SNX29: variants seen among roughly 807,000 people sequenced by gnomAD.
The protein encoded by SNX29 is sorting nexin 29.
In SNX29, 78 loss-of-function variants were observed where a neutral mutation model predicts 102.1. The ratio of observed to expected loss-of-function variants is 0.76; its 90% CI spans 0.64 to 0.92. SNX29 has a LOEUF of 0.92. SNX29 is among the 40% of genes least tolerant of loss of function. The pLI is 0.00. For synonymous variants in SNX29, 580 were observed against 414.5 expected (o/e 1.40, Z -4.85); for missense variants, 1,280 against 1,061.7 (o/e 1.21, Z -2.86).
chr16:12,513,852 C>T (rs377040634), intron 19 of SNX29, among the ~76,000 whole-genome samples: 5 of 152,202 alleles, frequency 3.3e-5, no homozygotes, highest in Non-Finnish European at 5.9e-5. Flanking sequence ...CCACCATGCC[C>T]GACTATTTGT....
chr16:12,275,066 A>C (rs184680139), intron 14 of SNX29, among the ~76,000 whole-genome samples: 2 of 152,028 alleles, frequency 1.3e-5, no homozygotes, highest in African/African-American at 4.8e-5. Context: ...CTTTTCTCAA[A>C]TGGGATGTGA....
chr16:12,532,372 C>G (rs2076955505), intron 20 of SNX29, among the ~76,000 whole-genome samples: 1 of 152,186 alleles, frequency 6.6e-6, no homozygotes, highest in African/African-American at 2.4e-5. Context: ...CAGCAGCTCC[C>G]AGCAGCGTTC....
At chr16:12,110,899 C>A (rs2053476849) in intron 11 of SNX29, among the ~76,000 whole-genome samples, 1 of 151,964 alleles carries the variant, frequency 6.6e-6, no homozygotes, top group African/African-American at 2.4e-5. Context: ...TCATAGCCCA[C>A]TGTAGCCTCA....
chr16:11,993,359 T>C (rs2055928203), intron 1 of SNX29, among the ~76,000 whole-genome samples: 1 of 152,042 alleles, frequency 6.6e-6, no homozygotes, highest in Non-Finnish European at 1.5e-5. Flanking sequence ...TCTTTCACCC[T>C]TTCATCTCCC....
chr16:12,259,206 C>T (rs549567595), intron 14 of SNX29, among the ~76,000 whole-genome samples: 4 of 152,134 alleles, frequency 2.6e-5, no homozygotes, highest in Non-Finnish European at 4.4e-5. Flanking sequence ...TATATCGTTC[C>T]GATTTGTCAA....
chr16:12,554,596 A>C (rs2078206494), intron 20 of SNX29, among the ~76,000 whole-genome samples: 2 of 152,192 alleles, frequency 1.3e-5, no homozygotes, highest in Admixed American at 1.3e-4. Flanking sequence ...GGAGCTCCCA[A>C]GCCAGAGGAG....
chr16:12,019,689 G>A (rs1358327505), intron 3 of SNX29, among the ~76,000 whole-genome samples: 2 of 149,568 alleles, frequency 1.3e-5, no homozygotes, highest in African/African-American at 2.5e-5. Flanking sequence ...AAGCTGGAGT[G>A]CAGTGGCGTG....
At chr16:11,982,423 G>GTTTTTTTTT (rs60761477) in intron 1 of SNX29, among the ~76,000 whole-genome samples, 6 of 120,354 alleles carry the variant, frequency 5.0e-5, no homozygotes, top group African/African-American at 6.1e-5. Flanking sequence ...CTTTCCATCA[G>GTTTTTTTTT]TTTTTTTTTT....
chr16:12,363,943 T>C lies in SNX29; in HGVS notation c.1899+7664T>C, dbSNP rs113521489. 2.0e-3 allele frequency among the ~76,000 whole-genome samples: 298 copies of C among 152,274 alleles called. 2 individuals are homozygous for C. The highest frequency in any genetic ancestry group is 6.8e-3 in the African/African-American group (283 of 41,564). On this transcript the variant is annotated intron_variant, in intron 16 of 20. Transcript: ENST00000566228. Reference sequence around the variant, plus strand: ...GGATGCTCAAATGAGATTGGAACATTTTGGATTTCAGATTTTAGGATTAGG... The same window carrying C: ...GGATGCTCAAATGAGATTGGAACATCTTGGATTTCAGATTTTAGGATTAGG...
At chr16:12,223,386 G>C (rs1037264990) in intron 14 of SNX29, among the ~76,000 whole-genome samples, 1 of 152,142 alleles carries the variant, frequency 6.6e-6, no homozygotes, top group African/African-American at 2.4e-5. Context: ...ATTAGGCTTC[G>C]CACGGTGGCT....
intron 11 of SNX29, among the ~76,000 whole-genome samples, chr16:12,097,090 G>C (rs350232): frequency 0.68 from 103,051 of 152,132 alleles, 36,542 homozygotes; most frequent in East Asian, 0.92. Flanking sequence ...GCAGGATGTC[G>C]GGATGGGCTT....
At position 12,095,585 on chromosome 16, in the gene SNX29, T is replaced by C. The variant is rs62038873; in HGVS notation, c.1402+16670T>C. Among the ~76,000 whole-genome samples, 4 of 152,366 alleles carry C rather than the reference T, an allele frequency of 2.6e-5. 1 individual carries two copies. The highest frequency in any genetic ancestry group is 9.6e-5 in the African/African-American group (4 of 41,580). On this transcript the variant is annotated intron_variant, in intron 11 of 20. Transcript: ENST00000566228. ...CAGTCATGCATTGCCAGTCACTTTG[T>C]GGTCCTGTTCTAAAAGGGAATTTGC...
chr16:12,533,693 C>G (rs1249509713), intron 20 of SNX29, among the ~76,000 whole-genome samples: 2 of 152,174 alleles, frequency 1.3e-5, no homozygotes, highest in African/African-American at 2.4e-5. Flanking sequence ...CCTCTGTCGA[C>G]TGGATGCCTT....
intron 15 of SNX29, among the ~76,000 whole-genome samples, chr16:12,355,577 A>G (rs1054842741): frequency 6.6e-6 from 1 of 152,164 alleles, no homozygotes; most frequent in African/African-American, 2.4e-5. Flanking sequence ...GCAGGATTAC[A>G]TCTCACATTT....
chr16:12,096,031 C>T lies in SNX29; in HGVS notation c.1402+17116C>T, dbSNP rs1567202829. Among the ~76,000 whole-genome samples the T allele has an allele frequency of 6.6e-6, 1 of 152,232 alleles. No individual in the cohort carries two copies. Among genetic ancestry groups the T allele is most frequent in the African/African-American group, 2.4e-5 (1 of 41,462 alleles). On this transcript the variant is annotated intron_variant, in intron 11 of 20. Transcript: ENST00000566228. The surrounding 1 kb of genome is among the most constrained non-coding windows in gnomAD (Gnocchi z 4.2). ...CAGAGAGAGATGCGAGGCCCCGCAG[C>T]CAGCTGCTTGCTTGGCTAAGGGCTT...
intron 19 of SNX29, among the ~76,000 whole-genome samples, chr16:12,481,322 C>T: frequency 6.6e-6 from 1 of 151,892 alleles, no homozygotes; most frequent in East Asian, 1.9e-4. Context: ...CTCGCCTGTG[C>T]AGCTTTTAAC....
At chr16:12,564,111 G>C (rs774695444) in intron 20 of SNX29, among the ~76,000 whole-genome samples, 1 of 152,164 alleles carries the variant, frequency 6.6e-6, no homozygotes, top group Non-Finnish European at 1.5e-5. Flanking sequence ...CTCCTTGATT[G>C]GGTGTGGTGG....
rs947884236 is a variant in SNX29 at position 12,516,029 on chromosome 16, C to G, written c.2179-8673C>G. ...GGAGGATGGCAGGGAATTTCCTTTTCTCGGCTAGGCCTAGACGTGGCCTGC... is the reference window on the plus strand; with the variant it reads ...GGAGGATGGCAGGGAATTTCCTTTTGTCGGCTAGGCCTAGACGTGGCCTGC... On this transcript the variant is annotated intron_variant, in intron 19 of 20. Coordinates refer to ENST00000566228, the MANE Select transcript of SNX29 (RefSeq NM_032167.5). Among the ~76,000 whole-genome samples the G allele has an allele frequency of 3.3e-5, 5 of 152,142 alleles. 1 individual carries two copies. Among genetic ancestry groups the G allele is most frequent in the Admixed American group, 2.0e-4 (3 of 15,266 alleles).
At chr16:12,023,577 C>CA (rs542942692) in intron 3 of SNX29, among the ~76,000 whole-genome samples, 4,306 of 135,162 alleles carry the variant, frequency 0.032, 151 homozygotes, top group African/African-American at 0.079. Context: ...GACCCTGTCT[C>CA]AAAAAAAAAA....
Sources: gnomAD v4.1 joint callset for allele counts (sites outside exome capture counted in the v4.1 genomes callset) on GRCh38, gnomAD v4.1.1 for gene constraint, Gnocchi (gnomAD v3.1) non-coding constraint, MANE v1.5 for transcripts, NCBI Gene and HGNC (gene_info 2026-07-23, HGNC 2026-07-21) for gene names.